The following RP1L1 variants were observed in gnomAD, a reference collection of about 807,000 sequenced individuals.
RP1L1 encodes the protein RP1 like 1.
In RP1L1, 27 loss-of-function variants were observed where a neutral mutation model predicts 15.7. The observed-to-expected ratio is 1.72, with a 90% CI of 1.27 to 2.38. The LOEUF (loss-of-function observed/expected upper bound fraction) is 2.38. RP1L1 is among the 30% of genes most tolerant of loss of function. RP1L1 has a pLI of 0.00. For missense variants in RP1L1, 4,798 were observed against 3,075.9 expected, an observed-to-expected ratio of 1.56 and a Z score of -13.24; for synonymous variants, 1,813 against 1,276.7, an observed-to-expected ratio of 1.42 and a Z score of -8.96.
chr8:10,651,025 A>G (rs1798552277), intron 1 of RP1L1, among the ~76,000 whole-genome samples: 1 of 152,238 alleles, frequency 6.6e-6, no homozygotes, highest in Non-Finnish European at 1.5e-5. Flanking sequence ...TATGGTTTGC[A>G]AAGTGCTCTG....
chr8:10,625,982 G>A (rs1798151267), intron 1 of RP1L1, among the ~76,000 whole-genome samples: 1 of 152,058 alleles, frequency 6.6e-6, no homozygotes, highest in Admixed American at 6.5e-5. Flanking sequence ...AAGGAAAGCA[G>A]AGGCCTTCCA....
At position 10,612,913 on chromosome 8, in the gene RP1L1, A is replaced by G. The variant is rs1797894931; in HGVS notation, c.1185T>C (p.Phe395=). The change falls in exon 4 of 4, where the codon TTT becomes TTC. Residue 395 remains phenylalanine, a synonymous_variant. Coordinates refer to ENST00000382483, the MANE Select transcript of RP1L1 (RefSeq NM_178857.6). ...TGGGCCCTGGCTGCCCGCCTCGGCC[A>G]AAGACTTCCCTGCATCCCACCCTGC... ...RPCRVGCREV[F]GRGGQPGPKY... is the part of the protein sequence containing the mutation. The G allele has an allele frequency of 1.2e-6, 2 of 1,612,372 alleles. No individual in the cohort carries two copies. Among genetic ancestry groups the G allele is most frequent in the African/African-American group, 1.3e-5 (1 of 74,708 alleles).
chr8:10,619,684 T>C (rs949053363), intron 2 of RP1L1, among the ~76,000 whole-genome samples: 12 of 152,086 alleles, frequency 7.9e-5, no homozygotes, highest in African/African-American at 1.4e-4. Flanking sequence ...CCCAGCACTT[T>C]AGAATGCCAA....
Position 10,613,239 on chromosome 8 carries a change from G to A in RP1L1, c.859C>T (p.Pro287Ser). The A allele has an allele frequency of 6.2e-7, 1 of 1,612,602 alleles. No homozygotes were observed. Among genetic ancestry groups the A allele is most frequent in the Non-Finnish European group, 8.5e-7 (1 of 1,180,026 alleles). ...RPGPSNPPVG[P>S]APGRHPQDTP... is the part of the protein sequence containing the mutation. ...TCCTGAGGGTGCCTGCCAGGAGCAGGGCCCACCGGGGGGTTGCTAGGACCA... is the reference window on the plus strand; with the variant it reads ...TCCTGAGGGTGCCTGCCAGGAGCAGAGCCCACCGGGGGGTTGCTAGGACCA... Residue 287 changes from proline (P) to serine (S), a missense_variant, in exon 4 of 4, where the codon CCT (proline) becomes TCT (serine). Coordinates refer to ENST00000382483, the MANE Select transcript of RP1L1 (RefSeq NM_178857.6).
At chr8:10,613,495 GGC>G in intron 3 of RP1L1, 149 bp from the exon 4 acceptor site, 1 of 1,222,838 alleles carries the variant, frequency 8.2e-7, no homozygotes, top group Non-Finnish European at 1.1e-6. Flanking sequence ...TGTGCGCGGT[GGC>G]TCAGGCCTGT....
intron 1 of RP1L1, among the ~76,000 whole-genome samples, chr8:10,643,417 C>T (rs959559841): frequency 3.3e-5 from 5 of 152,128 alleles, no homozygotes; most frequent in Non-Finnish European, 5.9e-5. Flanking sequence ...GGTACACAGT[C>T]GGTCTCAGTG....
rs760567875 is a variant in RP1L1 at position 10,608,805 on chromosome 8, C to A, written c.5293G>T (p.Gly1765Ter). The change falls in exon 4 of 4, where the codon GGA (glycine) becomes TGA (stop). Residue 1765 changes from glycine to a stop codon, truncating the protein, a stop_gained. Coordinates refer to ENST00000382483, the MANE Select transcript of RP1L1 (RefSeq NM_178857.6). LOFTEE classifies it low-confidence loss of function (END_TRUNC). ...TCTCTCTCCTGAGCCATTGCATCTC[C>A]CTCTGCCTCCCCGAGTTTGGGATCT... ...DKDPKLGEAE[G>*]DAMAQEREGK... 6.2e-7 allele frequency: 1 copy of A among 1,614,074 alleles called. No individual in the cohort carries two copies. Among genetic ancestry groups the A allele is most frequent in the African/African-American group, 1.3e-5 (1 of 74,922 alleles).
rs977623581 is a variant in RP1L1, at chr8:10,608,614, C to T, written c.5484G>A (p.Gln1828=). 1 of 1,614,198 alleles carries T rather than the reference C, an allele frequency of 6.2e-7. No individual in the cohort carries two copies. Among genetic ancestry groups the T allele is most frequent in the Admixed American group, 1.7e-5 (1 of 60,028 alleles). Residue 1828 remains glutamine (Q), a synonymous_variant, in exon 4 of 4, where the codon CAG becomes CAA. Transcript: ENST00000382483. Reference sequence around the variant, plus strand: ...CCTCTATGCCTTCGGCCCCATCACTCTGTCCTGGATCTTGGTCACCTCCTG... The same window carrying T: ...CCTCTATGCCTTCGGCCCCATCACTTTGTCCTGGATCTTGGTCACCTCCTG... ...AAAGGDQDPG[Q]SDGAEGIEAP...
chr8:10,625,571 G>A (rs1563132791), intron 1 of RP1L1, among the ~76,000 whole-genome samples: 1 of 152,162 alleles, frequency 6.6e-6, no homozygotes, highest in Non-Finnish European at 1.5e-5. Context: ...TAGGCGGAGG[G>A]CTTCTGCCCA....
intron 1 of RP1L1, among the ~76,000 whole-genome samples, chr8:10,629,562 C>CT (rs1798209425): frequency 6.6e-6 from 1 of 152,196 alleles, no homozygotes; most frequent in African/African-American, 2.4e-5. Context: ...GGTGTGGTCC[C>CT]AAGGCAGCTT....
At position 10,623,013 on chromosome 8, in the gene RP1L1, G is replaced by A. The variant is rs746223147; in HGVS notation, c.189C>T (p.Ala63=). 77 of 1,614,130 alleles carry A rather than the reference G, an allele frequency of 4.8e-5. No homozygotes were observed. The highest frequency in any genetic ancestry group is 6.3e-5 in the Non-Finnish European group (74 of 1,180,036). ...CGCGCTGGGAGAGCTCGTCCATGAGGGCGCTGAAGGTCTTAAAGGCGCGCT... is the reference window on the plus strand; with the variant it reads ...CGCGCTGGGAGAGCTCGTCCATGAGAGCGCTGAAGGTCTTAAAGGCGCGCT... ...VHQRAFKTFS[A]LMDELSQRVP... Residue 63 remains alanine, a synonymous_variant, in exon 2 of 4, where the codon GCC becomes GCT. Coordinates refer to ENST00000382483, the MANE Select transcript of RP1L1 (RefSeq NM_178857.6).
Position 10,620,417 on chromosome 8 carries a change from C to T in RP1L1, c.609+2176G>A, listed in dbSNP as rs1362003724. Among the ~76,000 whole-genome samples, 3 of 152,022 alleles carry T rather than the reference C, an allele frequency of 2.0e-5. No individual in the cohort carries two copies. In the East Asian group the frequency reaches 5.8e-4, roughly 29 times the overall value. ...GGTCAGGAGTTCGAGACCAGCCTGG[C>T]CAACATGGTGAAACTCCATCTCTAC... is the stretch of plus-strand genomic sequence containing the variant. On this transcript the variant is annotated intron_variant, in intron 2 of 3. Coordinates refer to ENST00000382483, the MANE Select transcript of RP1L1 (RefSeq NM_178857.6).
Position 10,610,556 on chromosome 8 carries a change from A to G in RP1L1, c.3542T>C (p.Leu1181Pro). 1 of 1,613,678 alleles carries G rather than the reference A, an allele frequency of 6.2e-7. No individual in the cohort carries two copies. The change falls in exon 4 of 4, where the codon CTG becomes CCG. Residue 1181 changes from leucine (L) to proline (P), a missense_variant. Leu to Pro is a moderately conservative substitution (Grantham distance 98, BLOSUM62 -3). Coordinates refer to ENST00000382483, the MANE Select transcript of RP1L1 (RefSeq NM_178857.6). ...CATGGCATGGGACCCAAGGTCTGGC[A>G]GAGCCTGGCTCCATGTGAGCTCCCA... ...GLWELTWSQA[L>P]PDLGSHAMTE... is the part of the protein sequence containing the mutation.
chr8:10,649,989 A>G (rs1387857138), intron 1 of RP1L1, among the ~76,000 whole-genome samples: 1 of 152,136 alleles, frequency 6.6e-6, no homozygotes, highest in Admixed American at 6.5e-5. Flanking sequence ...GAGCTGGCCT[A>G]AGTCAATTAT....
Position 10,609,146 on chromosome 8 carries a change from G to A in RP1L1, c.4952C>T (p.Ala1651Val), listed in dbSNP as rs751400047. 15 of 1,613,254 alleles carry A rather than the reference G, an allele frequency of 9.3e-6. No homozygotes were observed. Among genetic ancestry groups the A allele is most frequent in the Middle Eastern group, 1.6e-4 (1 of 6,082 alleles). ...GCAGGGACAGAACTCCTCCCCCTCC[G>A]CCTCCTCGCCCAGCTGGCTCCCCAG... ...TALGSQLGEEAEGEEFCPCEA... is the reference protein window; with the variant it reads ...TALGSQLGEEVEGEEFCPCEA... Residue 1651 changes from alanine to valine, a missense_variant, in exon 4 of 4, where the codon GCG (alanine) becomes GTG (valine). Ala to Val is a moderately conservative substitution (Grantham distance 64). Coordinates refer to ENST00000382483, the MANE Select transcript of RP1L1 (RefSeq NM_178857.6).
Position 10,622,857 on chromosome 8 carries a change from T to C in RP1L1, c.345A>G (p.Gly115=), listed in dbSNP as rs934467695. ...GGTTTCTCTCCTGTGGCCGGCCTGGTCCACTGGGGGTCTTGGGGGGCTTCT... is the reference window on the plus strand; with the variant it reads ...GGTTTCTCTCCTGTGGCCGGCCTGGCCCACTGGGGGTCTTGGGGGGCTTCT... ...SDKKPPKTPS[G]PGRPQERNPT... is the part of the protein sequence containing the mutation. Residue 115 remains glycine (G), a synonymous_variant, in exon 2 of 4, where the codon GGA becomes GGG. Transcript: ENST00000382483. 16 of 1,612,880 alleles carry C rather than the reference T, an allele frequency of 9.9e-6. No individual in the cohort carries two copies. The highest frequency in any genetic ancestry group is 1.6e-4 in the Middle Eastern group (1 of 6,076).
At position 10,612,722 on chromosome 8, in the gene RP1L1, G is replaced by A. The variant is rs762528365; in HGVS notation, c.1376C>T (p.Thr459Ile). The A allele has an allele frequency of 7.5e-6, 12 of 1,605,898 alleles. No homozygotes were observed. The East Asian group carries it at 2.0e-4, about 27-fold the overall frequency. The change falls in exon 4 of 4, where the codon ACC becomes ATC. Residue 459 changes from threonine to isoleucine, a missense_variant. Coordinates refer to ENST00000382483, the MANE Select transcript of RP1L1 (RefSeq NM_178857.6). Reference protein sequence around the residue: ...SQDSASPASSTGLPEGSEPES... With the variant: ...SQDSASPASSIGLPEGSEPES... ...TGGCTCCGAGCCCTCGGGGAGGCCG[G>A]TGCTGGAGGCTGGGCTGGCACTGTC...
intron 1 of RP1L1, among the ~76,000 whole-genome samples, chr8:10,647,740 T>C (rs567074259): frequency 6.6e-6 from 1 of 152,370 alleles, no homozygotes; most frequent in South Asian, 2.1e-4. Flanking sequence ...TCCATTCACT[T>C]ATTGATGAAT....
In RP1L1 at chr8:10,622,935, G is replaced by A; in HGVS notation, c.267C>T (p.Ser89=). The part of the protein sequence containing the change: ...RSVTTPRGLH[S]LSALEQLEDG... ...CTTCCAGCTGCTCCAGGGCGCTGAG[G>A]CTATGCAGGCCCCGGGGTGTGGTGA... is the stretch of plus-strand genomic sequence containing the variant. Residue 89 remains serine (S), a synonymous_variant, in exon 2 of 4, where the codon AGC becomes AGT. Coordinates refer to ENST00000382483, the MANE Select transcript of RP1L1 (RefSeq NM_178857.6). The A allele has an allele frequency of 6.2e-7, 1 of 1,614,070 alleles. No homozygotes were observed. Among genetic ancestry groups the A allele is most frequent in the Non-Finnish European group, 8.5e-7 (1 of 1,179,994 alleles).
Sources: gnomAD v4.1 joint callset for allele counts (sites outside exome capture counted in the v4.1 genomes callset) on GRCh38, gnomAD v4.1.1 for gene constraint, MANE v1.5 for transcripts, NCBI Gene and HGNC (gene_info 2026-07-23, HGNC 2026-07-21) for gene names.